SMYD2: variants seen among roughly 807,000 people sequenced by gnomAD.
SMYD2 encodes the protein N-lysine methyltransferase SMYD2.
In SMYD2, 53 loss-of-function variants were observed where a neutral mutation model predicts 59.1. The observed-to-expected ratio is 0.90, with a 90% confidence interval of 0.72 to 1.13. The LOEUF is 1.13. Among genes scored for constraint, SMYD2 ranks in the 50% most tolerant of loss-of-function variants. The pLI is 0.00. For missense variants in SMYD2, 494 were observed against 544.7 expected (o/e 0.91, Z 0.93); for synonymous variants, 208 against 198.8 (o/e 1.05, Z -0.39).
At chr1:214,281,521 G>C (rs1382578186) in intron 1 of SMYD2, 94 bp downstream of exon 1, 1 of 1,124,730 alleles carries the variant, frequency 8.9e-7, no homozygotes, top group Non-Finnish European at 1.1e-6. Flanking sequence ...CGGCTCGCGG[G>C]GTCCTAGCGC....
intron 6 of SMYD2, among the ~76,000 whole-genome samples, chr1:214,325,773 C>CTTTTTTT (rs59821609): frequency 8.4e-6 from 1 of 118,786 alleles, no homozygotes; most frequent in African/African-American, 3.3e-5. Flanking sequence ...AGGAAAGAAG[C>CTTTTTTT]TTTTTTTTTT....
chr1:214,316,078 T>C (rs1657080940), intron 3 of SMYD2, among the ~76,000 whole-genome samples: 1 of 152,090 alleles, frequency 6.6e-6, no homozygotes, highest in Admixed American at 6.6e-5. Flanking sequence ...AAATAGGCAG[T>C]GTGGGGCTTA....
intron 1 of SMYD2, among the ~76,000 whole-genome samples, chr1:214,298,531 A>G (rs541242324): frequency 2.2e-4 from 33 of 152,372 alleles, no homozygotes; most frequent in African/African-American, 7.7e-4. Flanking sequence ...AGTTGAAACA[A>G]TACTTGAAAG....
intron 2 of SMYD2, 29 bp downstream of exon 2, chr1:214,305,279 C>T (rs773940671): frequency 1.2e-6 from 2 of 1,603,142 alleles, no homozygotes; most frequent in South Asian, 2.2e-5. Context: ...GCAGGGAGGG[C>T]CTAATTTCCT....
chr1:214,297,314 G>GTTTT (rs3032359), intron 1 of SMYD2, among the ~76,000 whole-genome samples: 4 of 144,622 alleles, frequency 2.8e-5, no homozygotes, highest in African/African-American at 1.0e-4. Context: ...GTTATTTCAG[G>GTTTT]TTTTTTTTTT....
At chr1:214,295,318 T>C (rs1656706967) in intron 1 of SMYD2, among the ~76,000 whole-genome samples, 1 of 152,188 alleles carries the variant, frequency 6.6e-6, no homozygotes, top group Non-Finnish European at 1.5e-5. Context: ...ATAGGTGTTG[T>C]CCAGGGGCTG....
At chr1:214,284,254 G>GTTTTTTTTTTTTTTTTT in intron 1 of SMYD2, among the ~76,000 whole-genome samples, 2 of 90,364 alleles carry the variant, frequency 2.2e-5, no homozygotes, top group Non-Finnish European at 4.0e-5. Flanking sequence ...TTTTGGTGTG[G>GTTTTTTTTTTTTTTTTT]TTTTTTTTTT....
At position 214,337,020 on chromosome 1, in the gene SMYD2, A is replaced by G. The variant is rs767416181; in HGVS notation, c.*236A>G. On this transcript the variant is annotated 3_prime_UTR_variant, in exon 12 of 12. Transcript: ENST00000366957. ...CTAAGAGATAATGGCATGGTTTCATATGTTATACTTTGGACAGACAGAGTT... is the reference window on the plus strand; with the variant it reads ...CTAAGAGATAATGGCATGGTTTCATGTGTTATACTTTGGACAGACAGAGTT... 9.1e-6 allele frequency: 4 copies of G among 437,648 alleles called. No individual in the cohort carries two copies. Among genetic ancestry groups the G allele is most frequent in the Admixed American group, 4.3e-5 (1 of 23,048 alleles). 27.1% of individuals were successfully genotyped at this position (437,648 alleles called of 1,614,324 possible). A position where few individuals can be genotyped will look rare whatever the true frequency, so the allele number is the denominator to read the frequency against.
At chr1:214,304,078 A>G (rs1055177683) in intron 1 of SMYD2, among the ~76,000 whole-genome samples, 7 of 152,248 alleles carry the variant, frequency 4.6e-5, no homozygotes, top group African/African-American at 1.7e-4. Context: ...ATCTCACACA[A>G]TACACACGCG....
intron 11 of SMYD2, among the ~76,000 whole-genome samples, chr1:214,335,714 G>T (rs1657424994): frequency 6.6e-6 from 1 of 152,162 alleles, no homozygotes; most frequent in Non-Finnish European, 1.5e-5. Context: ...TGAGAGGTAG[G>T]TATTATTCCA....
intron 9 of SMYD2, 74 bp downstream of exon 9, chr1:214,331,144 GC>G: frequency 6.3e-7 from 1 of 1,593,560 alleles, no homozygotes; most frequent in South Asian, 1.1e-5. Flanking sequence ...GAAAGAGGGA[GC>G]AGGAGAAGGA....
intron 5 of SMYD2, among the ~76,000 whole-genome samples, chr1:214,322,146 A>C (rs1657181814): frequency 6.6e-6 from 1 of 152,208 alleles, no homozygotes; most frequent in African/African-American, 2.4e-5. Flanking sequence ...AGTTTTGAAA[A>C]GTGTTGCAAA....
intron 1 of SMYD2, 103 bp from the exon 2 acceptor site, chr1:214,305,084 T>C: frequency 9.5e-7 from 1 of 1,052,982 alleles, no homozygotes; most frequent in South Asian, 1.3e-5. Context: ...AGGTGAACCT[T>C]GGCTCTGCTT....
chr1:214,319,347 A>G (rs1657134692), intron 5 of SMYD2, among the ~76,000 whole-genome samples: 1 of 152,120 alleles, frequency 6.6e-6, no homozygotes, highest in African/African-American at 2.4e-5. Context: ...TTACTCTCTT[A>G]AACCTTCTGT....
chr1:214,301,253 C>T (rs552262547), intron 1 of SMYD2, among the ~76,000 whole-genome samples: 92 of 152,156 alleles, frequency 6.0e-4, no homozygotes, highest in African/African-American at 2.1e-3. Context: ...AAGGGTATTT[C>T]GATACCCTTC....
At chr1:214,324,168 C>G (rs979598600) in intron 5 of SMYD2, among the ~76,000 whole-genome samples, 1 of 152,118 alleles carries the variant, frequency 6.6e-6, no homozygotes, top group Non-Finnish European at 1.5e-5. Context: ...AACTCCCGAC[C>G]TCAGGTGATC....
intron 9 of SMYD2, 49 bp from the exon 10 acceptor site, chr1:214,331,969 G>T (rs1462540484): frequency 6.4e-7 from 1 of 1,561,040 alleles, no homozygotes; most frequent in Non-Finnish European, 8.7e-7. Flanking sequence ...GCCTGGGGAA[G>T]CCTCCAGGCA....
chr1:214,301,266 A>T (rs753951083), intron 1 of SMYD2, among the ~76,000 whole-genome samples: 2 of 152,202 alleles, frequency 1.3e-5, no homozygotes, highest in Non-Finnish European at 2.9e-5. Flanking sequence ...TACCCTTCTC[A>T]GTTAAATGCG....
At chr1:214,333,391 G>A (rs902427709) in intron 10 of SMYD2, 1 of 152,248 alleles carries the variant, frequency 6.6e-6, no homozygotes, top group African/African-American at 2.4e-5. Context: ...TGGGGCCGTG[G>A]GTCCCAGGGC....
Sources: gnomAD v4.1 joint callset for allele counts (sites outside exome capture counted in the v4.1 genomes callset) on GRCh38, gnomAD v4.1.1 for gene constraint, MANE v1.5 for transcripts, NCBI Gene and HGNC (gene_info 2026-07-23, HGNC 2026-07-21) for gene names.